The following CRYL1 variants were observed in gnomAD, a reference collection of about 807,000 sequenced individuals.
The protein encoded by CRYL1 is crystallin lambda 1.
A neutral mutation model predicts 36.6 loss-of-function variants in CRYL1; 29 were observed. The ratio of observed to expected loss-of-function variants is 0.79; its 90% CI spans 0.59 to 1.08. CRYL1 has a LOEUF of 1.08. Among genes scored for constraint, CRYL1 ranks in the 50% least tolerant of loss-of-function variants. CRYL1 has a pLI of 0.00. For missense variants in CRYL1, 411 were observed against 407.9 expected (o/e 1.01, Z -0.06); for synonymous variants, 152 against 151.5 (o/e 1.00, Z -0.02).
Position 20,525,768 on chromosome 13 carries a change from C to T in CRYL1, c.27G>A (p.Val9=). MASSAAGC[V]VIVGSGVIGR... is the part of the protein sequence containing the mutation. ...GAGCCCTTTACCTGCCAACGATCAC[C>T]ACGCAGCCGGCCGCGGAGGACGCCA... Residue 9 remains valine, a synonymous_variant, in exon 1 of 8, where the codon GTG becomes GTA. Transcript: ENST00000298248. The surrounding 1 kb of genome is among the most constrained non-coding windows in gnomAD (Gnocchi z 4.3). 2.3e-6 allele frequency: 3 copies of T among 1,301,670 alleles called. No homozygotes were observed. The highest frequency in any genetic ancestry group is 9.8e-7 in the Non-Finnish European group (1 of 1,023,630). The allele number at this position is 1,301,670 out of a possible 1,614,324, so 80.6% of individuals were successfully genotyped here.
At chr13:20,489,234 A>T in intron 3 of CRYL1, 136 bp downstream of exon 3, 1 of 1,036,936 alleles carries the variant, frequency 9.6e-7, no homozygotes, top group Non-Finnish European at 1.4e-6. Flanking sequence ...TTCCTATCAC[A>T]TAAAACAAAA....
Position 20,420,712 on chromosome 13 carries a change from T to C in CRYL1, c.634-7325A>G, listed in dbSNP as rs1229846822. On this transcript the variant is annotated intron_variant, in intron 5 of 7. Coordinates refer to ENST00000298248, the MANE Select transcript of CRYL1 (RefSeq NM_015974.3). ...CTTTAAAATAGAGGTTGTGTGTGTGTGTGTGTGTGTGTGTGTGTGTGTGTG... is the reference window on the plus strand; with the variant it reads ...CTTTAAAATAGAGGTTGTGTGTGTGCGTGTGTGTGTGTGTGTGTGTGTGTG... 1.2e-4 allele frequency among the ~76,000 whole-genome samples: 15 copies of C among 128,346 alleles called. 2 individuals carry two copies. In the East Asian group the frequency reaches 1.2e-3, roughly 10 times the overall value. 84.2% of individuals were successfully genotyped at this position (128,346 alleles called of 152,430 possible). A position where few individuals can be genotyped will look rare whatever the true frequency, so the allele number is the denominator to read the frequency against.
chr13:20,417,287 C>T (rs542154621), intron 5 of CRYL1, among the ~76,000 whole-genome samples: 32 of 152,342 alleles, frequency 2.1e-4, no homozygotes, highest in African/African-American at 7.5e-4. Flanking sequence ...ATTATCATAA[C>T]AATGACAAAT....
At chr13:20,456,999 T>C (rs2137425905) in intron 3 of CRYL1, among the ~76,000 whole-genome samples, 2 of 152,286 alleles carry the variant, frequency 1.3e-5, no homozygotes, top group East Asian at 3.9e-4. Context: ...GCTCTTCCAG[T>C]GCAGACTGCC....
chr13:20,478,137 A>G (rs2033203288), intron 3 of CRYL1, among the ~76,000 whole-genome samples: 2 of 151,884 alleles, frequency 1.3e-5, no homozygotes, highest in Non-Finnish European at 2.9e-5. Flanking sequence ...TATAGTTGCT[A>G]AAGTGTTTAC....
rs763165127 is a variant in CRYL1, at chr13:20,439,725, C to G, written c.306G>C (p.Lys102Asn). The change falls in exon 4 of 8, where the codon AAG becomes AAC. Residue 102 changes from lysine (K) to asparagine (N), a missense_variant. Coordinates refer to ENST00000298248, the MANE Select transcript of CRYL1 (RefSeq NM_015974.3). ...QECVPEDLEL[K>N]KKIFAQLDSI... ...AATCTAACTGAGCAAAAATCTTCTT[C>G]TTCAGTTCTAGATCTTCTGGAACAC... 54 of 1,613,974 alleles carry G rather than the reference C, an allele frequency of 3.3e-5. No individual in the cohort carries two copies. Among genetic ancestry groups the G allele is most frequent in the Non-Finnish European group, 3.7e-5 (44 of 1,180,002 alleles).
chr13:20,495,816 G>A (rs1203901389), intron 2 of CRYL1, among the ~76,000 whole-genome samples: 1 of 152,208 alleles, frequency 6.6e-6, no homozygotes, highest in Non-Finnish European at 1.5e-5. Context: ...ACAGGGGAAG[G>A]AAGTCCTGTC....
At position 20,425,169 on chromosome 13, in the gene CRYL1, GA is replaced by G. The variant is rs1025830672; in HGVS notation, c.633+6932del. On this transcript the variant is annotated intron_variant, in intron 5 of 7. Coordinates refer to ENST00000298248, the MANE Select transcript of CRYL1 (RefSeq NM_015974.3). The surrounding 1 kb of genome is among the most constrained non-coding windows in gnomAD (Gnocchi z 4.4). ...TCACTTCCAACGCCGTCCTTCCCCA[GA>G]AAAGCTGCCAGCAGGACCCCGTCTC... Among the ~76,000 whole-genome samples, 1 of 152,184 alleles carries G rather than the reference GA, an allele frequency of 6.6e-6. No homozygotes were observed. The highest frequency in any genetic ancestry group is 2.4e-5 in the African/African-American group (1 of 41,450).
At chr13:20,507,419 T>C (rs2033812766) in intron 2 of CRYL1, among the ~76,000 whole-genome samples, 1 of 152,216 alleles carries the variant, frequency 6.6e-6, no homozygotes, top group Non-Finnish European at 1.5e-5. Flanking sequence ...CAATATTTAC[T>C]ATCTGGTCTT....
intron 2 of CRYL1, among the ~76,000 whole-genome samples, chr13:20,500,971 G>A (rs549323051): frequency 6.6e-5 from 10 of 152,172 alleles, no homozygotes; most frequent in African/African-American, 1.9e-4. Flanking sequence ...TCCATACAAT[G>A]AGACTCCAGG....
At chr13:20,472,497 AG>A (rs2033081676) in intron 3 of CRYL1, among the ~76,000 whole-genome samples, 1 of 152,128 alleles carries the variant, frequency 6.6e-6, no homozygotes, top group Non-Finnish European at 1.5e-5. Flanking sequence ...ATACAGCCTT[AG>A]GGGGTGGTTT....
chr13:20,478,939 A>C (rs906869802), intron 3 of CRYL1, among the ~76,000 whole-genome samples: 33 of 138,312 alleles, frequency 2.4e-4, no homozygotes, highest in African/African-American at 8.7e-4. Flanking sequence ...TTTTTTTTGT[A>C]TTTTAGTAGA....
intron 3 of CRYL1, among the ~76,000 whole-genome samples, chr13:20,472,168 CTG>C (rs1183259005): frequency 4.6e-5 from 7 of 152,050 alleles, no homozygotes; most frequent in African/African-American, 1.7e-4. Flanking sequence ...GCCCAAGTCC[CTG>C]ATTTTTAAAA....
chr13:20,525,441 G>T lies in CRYL1; in HGVS notation c.41+313C>A, dbSNP rs1398158071. On this transcript the variant is annotated intron_variant, in intron 1 of 7. Transcript: ENST00000298248. The surrounding 1 kb of genome is among the most constrained non-coding windows in gnomAD (Gnocchi z 4.3). ...TCTATGTGGACCTGCGGGCAGACGC[G>T]GCGACATTCAACAGAGTCCAGGAAC... 6.6e-6 allele frequency among the ~76,000 whole-genome samples: 1 copy of T among 152,206 alleles called. No homozygotes were observed. The highest frequency in any genetic ancestry group is 1.5e-5 in the Non-Finnish European group (1 of 68,032).
At chr13:20,478,923 T>A (rs80033825) in intron 3 of CRYL1, among the ~76,000 whole-genome samples, 1 of 20,672 alleles carries the variant, frequency 4.8e-5, no homozygotes, top group Admixed American at 1.0e-3. Context: ...CCCAGCTAAT[T>A]TTTTTTTTTT....
At chr13:20,456,479 C>CAAAAAAAAAA (rs71074301) in intron 3 of CRYL1, among the ~76,000 whole-genome samples, 3 of 98,766 alleles carry the variant, frequency 3.0e-5, no homozygotes, top group African/African-American at 8.0e-5. Context: ...CGTCTCAAAA[C>CAAAAAAAAAA]AAAAAAAAAA....
intron 1 of CRYL1, among the ~76,000 whole-genome samples, chr13:20,515,092 AG>A (rs1295679256): frequency 1.3e-5 from 2 of 152,246 alleles, no homozygotes; most frequent in Non-Finnish European, 2.9e-5. Context: ...CCAGTCACAA[AG>A]GTTCACGTAT....
Position 20,512,470 on chromosome 13 carries a change from T to C in CRYL1, c.122A>G (p.Gln41Arg), listed in dbSNP as rs1168979412. Residue 41 changes from glutamine to arginine, a missense_variant, in exon 2 of 8, where the codon CAG becomes CGG. Physicochemically the swap from Gln to Arg is conservative, Grantham distance 43 (BLOSUM62 1). Coordinates refer to ENST00000298248, the MANE Select transcript of CRYL1 (RefSeq NM_015974.3). ...QVKLYDIEQQ[Q>R]IRNALENIRK... ...GATGTTTTCCAGGGCGTTCCTTATC[T>C]GCTGTTGCTCAATGTCATAGAGTTT... 1.2e-6 allele frequency: 2 copies of C among 1,613,932 alleles called. No individual in the cohort carries two copies. Among genetic ancestry groups the C allele is most frequent in the Non-Finnish European group, 1.7e-6 (2 of 1,179,922 alleles).
chr13:20,410,439 C>T (rs965485434), intron 6 of CRYL1, among the ~76,000 whole-genome samples: 4 of 149,056 alleles, frequency 2.7e-5, no homozygotes, highest in African/African-American at 7.4e-5. Flanking sequence ...TGCTAGATGA[C>T]GAGTTAGTGG....
Sources: gnomAD v4.1 joint callset for allele counts (sites outside exome capture counted in the v4.1 genomes callset) on GRCh38, gnomAD v4.1.1 for gene constraint, Gnocchi (gnomAD v3.1) non-coding constraint, MANE v1.5 for transcripts, NCBI Gene and HGNC (gene_info 2026-07-23, HGNC 2026-07-21) for gene names.